Variants in SYT10 observed in about 807,000 individuals in gnomAD.
SYT10 encodes synaptotagmin-10.
SYT10 carries 31 observed loss-of-function variants against 51.1 expected under a neutral mutation model. The ratio of observed to expected loss-of-function variants is 0.61; its 90% CI spans 0.46 to 0.82. The LOEUF is 0.82. Ranked by LOEUF, SYT10 falls within the 40% of genes least tolerant of loss-of-function variation. The probability of loss-of-function intolerance (pLI) is 0.00; values close to 1 mark genes in which losing one functional copy is unlikely to be tolerated. For synonymous variants in SYT10, 233 were observed against 225.9 expected, an observed-to-expected ratio of 1.03 and a Z score of -0.28; for missense variants, 603 against 634.0, an observed-to-expected ratio of 0.95 and a Z score of 0.53.
At chr12:33,377,432 G>T (rs1193244250) in intron 6 of SYT10, among the ~76,000 whole-genome samples, 2 of 151,756 alleles carry the variant, frequency 1.3e-5, no homozygotes, top group African/African-American at 2.4e-5. Flanking sequence ...GCAGTAAGAG[G>T]TTCTAAACAC....
At chr12:33,406,722 G>T (rs1866355862) in intron 3 of SYT10, 67 bp downstream of exon 3, 3 of 1,308,504 alleles carry the variant, frequency 2.3e-6, no homozygotes, top group African/African-American at 1.5e-5. Flanking sequence ...GATAATTTGG[G>T]TAATAATTAG....
intron 2 of SYT10, among the ~76,000 whole-genome samples, chr12:33,418,069 A>G (rs1209102290): frequency 2.6e-5 from 4 of 152,190 alleles, no homozygotes; most frequent in African/African-American, 9.7e-5. Flanking sequence ...TTCAAATTCT[A>G]TTTAAACTTA....
chr12:33,400,610 A>T (rs1344718320), intron 3 of SYT10, among the ~76,000 whole-genome samples: 1 of 152,190 alleles, frequency 6.6e-6, no homozygotes, highest in Non-Finnish European at 1.5e-5. Context: ...TAGGTAAGTA[A>T]ATAAATACAT....
At chr12:33,406,364 A>C (rs1235657005) in intron 3 of SYT10, among the ~76,000 whole-genome samples, 1 of 152,112 alleles carries the variant, frequency 6.6e-6, no homozygotes, top group East Asian at 1.9e-4. Flanking sequence ...AGTACATTTT[A>C]GGTTTGATCT....
In SYT10 at chr12:33,376,533, T is replaced by C. The variant is rs1027343278; in HGVS notation, c.*297A>G. ...TAATTTTAGGTAAGTATGAACTGTT[T>C]AAAAAAACATTTCATATGCAAAGAA... On this transcript the variant is annotated 3_prime_UTR_variant, in exon 7 of 7. Transcript: ENST00000228567. The C allele has an allele frequency of 2.7e-6, 1 of 377,264 alleles. No homozygotes were observed. Among genetic ancestry groups the C allele is most frequent in the Non-Finnish European group, 4.9e-6 (1 of 204,808 alleles). 23.4% of individuals were successfully genotyped at this position (377,264 alleles called of 1,614,324 possible). A position where few individuals can be genotyped will look rare whatever the true frequency, so the allele number is the denominator to read the frequency against.
At chr12:33,408,587 T>C (rs544789852) in intron 2 of SYT10, among the ~76,000 whole-genome samples, 1 of 152,328 alleles carries the variant, frequency 6.6e-6, no homozygotes, top group East Asian at 1.9e-4. Context: ...TTATATTTCT[T>C]GTCAGTCTGT....
intron 2 of SYT10, among the ~76,000 whole-genome samples, chr12:33,413,990 T>G (rs1206770401): frequency 6.6e-6 from 1 of 151,962 alleles, no homozygotes; most frequent in Admixed American, 6.6e-5. Context: ...TGGAGGAAGA[T>G]CTACCAAGCA....
chr12:33,397,219 G>A (rs1362173525), intron 3 of SYT10, among the ~76,000 whole-genome samples: 1 of 152,084 alleles, frequency 6.6e-6, no homozygotes, highest in Non-Finnish European at 1.5e-5. Flanking sequence ...GAAACAGATG[G>A]CACACACAAA....
intron 2 of SYT10, among the ~76,000 whole-genome samples, chr12:33,418,022 A>T (rs1198053045): frequency 6.6e-6 from 1 of 152,186 alleles, no homozygotes; most frequent in Non-Finnish European, 1.5e-5. Flanking sequence ...ATTTGCAGCA[A>T]AACTCTTTGA....
chr12:33,400,836 G>A (rs913107695), intron 3 of SYT10, among the ~76,000 whole-genome samples: 3 of 152,022 alleles, frequency 2.0e-5, no homozygotes, highest in Non-Finnish European at 4.4e-5. Flanking sequence ...GACCAGCCTG[G>A]CCAACACGGT....
chr12:33,393,163 C>G (rs1285077482), intron 3 of SYT10, among the ~76,000 whole-genome samples: 1 of 152,006 alleles, frequency 6.6e-6, no homozygotes, highest in Non-Finnish European at 1.5e-5. Flanking sequence ...CTTGATTTAA[C>G]TAATCAAGTC....
intron 3 of SYT10, among the ~76,000 whole-genome samples, chr12:33,387,607 T>C (rs907293484): frequency 6.6e-6 from 1 of 152,144 alleles, no homozygotes; most frequent in African/African-American, 2.4e-5. Flanking sequence ...GAAAGGTATA[T>C]CCAACTGGAT....
Position 33,396,824 on chromosome 12 carries a change from G to A in SYT10, c.1077+9965C>T, listed in dbSNP as rs571250190. The stretch of plus-strand genomic sequence containing the variant: ...GCCTCCCAAATAGCTGGGACTAGTA[G>A]AGACGAGGTTTCACCATGTTGGCCA... On this transcript the variant is annotated intron_variant, in intron 3 of 6. Coordinates refer to ENST00000228567, the MANE Select transcript of SYT10 (RefSeq NM_198992.4). Among the ~76,000 whole-genome samples the A allele has an allele frequency of 6.6e-5, 10 of 152,164 alleles. No individual in the cohort carries two copies. In the East Asian group the frequency reaches 1.7e-3, roughly 27 times the overall value.
intron 3 of SYT10, among the ~76,000 whole-genome samples, chr12:33,390,665 T>C (rs1591983905): frequency 1.3e-5 from 2 of 151,554 alleles, no homozygotes; most frequent in African/African-American, 4.8e-5. Flanking sequence ...TGTATGTGTA[T>C]ACACACACAC....
chr12:33,396,927 C>G (rs1866261424), intron 3 of SYT10, among the ~76,000 whole-genome samples: 1 of 152,094 alleles, frequency 6.6e-6, no homozygotes, highest in Non-Finnish European at 1.5e-5. Flanking sequence ...CGTGAGCCAC[C>G]GTGCTGGGCC....
intron 4 of SYT10, among the ~76,000 whole-genome samples, chr12:33,383,096 T>G (rs1160862118): frequency 6.6e-6 from 1 of 152,206 alleles, no homozygotes; most frequent in Admixed American, 6.5e-5. Context: ...ACAGCTGACT[T>G]GACATCTATC....
At chr12:33,403,512 G>A (rs1209245648) in intron 3 of SYT10, among the ~76,000 whole-genome samples, 3 of 152,104 alleles carry the variant, frequency 2.0e-5, no homozygotes, top group Non-Finnish European at 1.5e-5. Flanking sequence ...TGGGATTACA[G>A]GCATGAGCCA....
chr12:33,399,663 T>C (rs911687120), intron 3 of SYT10, among the ~76,000 whole-genome samples: 4 of 152,136 alleles, frequency 2.6e-5, no homozygotes, highest in African/African-American at 7.2e-5. Context: ...GCTGGCTGAG[T>C]TAGGCAGATG....
intron 1 of SYT10, among the ~76,000 whole-genome samples, chr12:33,433,827 T>C (rs1866616320): frequency 6.6e-6 from 1 of 152,168 alleles, no homozygotes; most frequent in South Asian, 2.1e-4. Context: ...TTTTTTCCAA[T>C]GCCCTTCAGC....
Sources: gnomAD v4.1 joint callset for allele counts (sites outside exome capture counted in the v4.1 genomes callset) on GRCh38, gnomAD v4.1.1 for gene constraint, MANE v1.5 for transcripts, NCBI Gene and HGNC (gene_info 2026-07-23, HGNC 2026-07-21) for gene names.